Variants in ADARB2 observed in about 807,000 individuals in gnomAD.
ADARB2 encodes adenosine deaminase RNA specific B2 (inactive), also known as inactive double-stranded RNA-specific editase B2.
A neutral mutation model predicts 62.2 loss-of-function variants in ADARB2; 25 were observed. The observed-to-expected ratio is 0.40, with a 90% confidence interval of 0.29 to 0.56. The LOEUF (loss-of-function observed/expected upper bound fraction) is 0.56. Among genes scored for constraint, ADARB2 ranks in the 20% least tolerant of loss-of-function variants. ADARB2 has a pLI of 0.43. For missense variants in ADARB2, 1,071 were observed against 1,077.4 expected (o/e 0.99, Z 0.08); for synonymous variants, 572 against 500.8 (o/e 1.14, Z -1.90).
At chr10:1,404,493 C>T (rs377035739) in intron 1 of ADARB2, among the ~76,000 whole-genome samples, 1 of 152,348 alleles carries the variant, frequency 6.6e-6, no homozygotes, top group Admixed American at 6.5e-5. Context: ...CCAGCGTGGG[C>T]TCCACTCCTC....
intron 1 of ADARB2, among the ~76,000 whole-genome samples, chr10:1,406,805 C>T (rs1380726549): frequency 1.3e-5 from 2 of 152,196 alleles, no homozygotes; most frequent in African/African-American, 4.8e-5. Flanking sequence ...CAGTTGGGGC[C>T]CTGATTCCTG....
chr10:1,706,168 T>TA (rs1317602790), intron 1 of ADARB2, among the ~76,000 whole-genome samples: 1 of 152,354 alleles, frequency 6.6e-6, no homozygotes, highest in African/African-American at 2.4e-5. Flanking sequence ...TTCACTTTGC[T>TA]AAAACGCTAG....
At chr10:1,424,424 G>A (rs571903509) in intron 1 of ADARB2, among the ~76,000 whole-genome samples, 16 of 152,056 alleles carry the variant, frequency 1.1e-4, no homozygotes, top group Admixed American at 5.9e-4. Context: ...GAGATGGCAT[G>A]CTCTGAGGCC....
chr10:1,505,376 G>GTTT (rs1325240058), intron 1 of ADARB2, among the ~76,000 whole-genome samples: 6 of 144,384 alleles, frequency 4.2e-5, no homozygotes, highest in African/African-American at 1.0e-4. Context: ...GGATCGGAGG[G>GTTT]TTTTTGTTTT....
chr10:1,334,682 T>C (rs1022922220), intron 3 of ADARB2, among the ~76,000 whole-genome samples: 5 of 152,260 alleles, frequency 3.3e-5, no homozygotes, highest in Non-Finnish European at 7.3e-5. Flanking sequence ...CAAATAAAGT[T>C]TCTTCAAGAA....
chr10:1,457,169 A>G (rs1268677306), intron 1 of ADARB2, among the ~76,000 whole-genome samples: 1 of 152,236 alleles, frequency 6.6e-6, no homozygotes, highest in Non-Finnish European at 1.5e-5. Context: ...ACTCAAAACT[A>G]CAAAGGAAAT....
chr10:1,345,045 A>G (rs1324849952), intron 3 of ADARB2, among the ~76,000 whole-genome samples: 1 of 152,178 alleles, frequency 6.6e-6, no homozygotes, highest in African/African-American at 2.4e-5. Context: ...AAACCGCCGC[A>G]GCCTGGCAGG....
intron 3 of ADARB2, among the ~76,000 whole-genome samples, chr10:1,309,814 T>C (rs1788267548): frequency 6.6e-6 from 1 of 152,260 alleles, no homozygotes; most frequent in Admixed American, 6.5e-5. Flanking sequence ...ACCTCTCCAC[T>C]TCCCATTTGC....
At chr10:1,387,327 T>G (rs1281371139) in intron 1 of ADARB2, among the ~76,000 whole-genome samples, 1 of 151,806 alleles carries the variant, frequency 6.6e-6, no homozygotes, top group East Asian at 1.9e-4. Context: ...GCAAAAAAAT[T>G]GGCTCCTTGA....
intron 1 of ADARB2, among the ~76,000 whole-genome samples, chr10:1,712,709 C>T (rs1241290733): frequency 6.9e-6 from 1 of 144,076 alleles, no homozygotes; most frequent in Non-Finnish European, 1.5e-5. Context: ...CCCGGGTTCA[C>T]GCCATTCTCC....
intron 1 of ADARB2, among the ~76,000 whole-genome samples, chr10:1,694,470 A>G (rs1334592782): frequency 1.3e-5 from 2 of 152,186 alleles, no homozygotes; most frequent in Non-Finnish European, 2.9e-5. Flanking sequence ...TTGAACACAA[A>G]TCAGGGCTTT....
chr10:1,556,912 T>C (rs963671799), intron 1 of ADARB2: 8 of 473,096 alleles, frequency 1.7e-5, no homozygotes, highest in Non-Finnish European at 3.5e-5. Flanking sequence ...TCTATTCCTA[T>C]CACTATTTTT....
chr10:1,649,931 G>A lies in ADARB2; in HGVS notation c.100+87120C>T, dbSNP rs373458811. ...AAATCATGAGGGAGTGGCTTCCTGA[G>A]GAGCGATGATTACACAAACCCGGGA... is the stretch of plus-strand genomic sequence containing the variant. On this transcript the variant is annotated intron_variant, in intron 1 of 9. Coordinates refer to ENST00000381312, the MANE Select transcript of ADARB2 (RefSeq NM_018702.4). Among the ~76,000 whole-genome samples the A allele has an allele frequency of 4.6e-5, 7 of 152,222 alleles. No homozygotes were observed. The East Asian group carries it at 7.7e-4, about 17-fold the overall frequency.
At chr10:1,459,973 T>G (rs1437220696) in intron 1 of ADARB2, among the ~76,000 whole-genome samples, 1 of 141,560 alleles carries the variant, frequency 7.1e-6, no homozygotes, top group African/African-American at 2.8e-5. Flanking sequence ...TGAGTTTACC[T>G]GTGTAGCAAA....
chr10:1,598,019 G>A (rs1243653686), intron 1 of ADARB2, among the ~76,000 whole-genome samples: 1 of 152,204 alleles, frequency 6.6e-6, no homozygotes, highest in Non-Finnish European at 1.5e-5. Context: ...ATAACTCAGA[G>A]CATGTATCAA....
At chr10:1,707,183 G>A (rs1006114690) in intron 1 of ADARB2, among the ~76,000 whole-genome samples, 1 of 152,196 alleles carries the variant, frequency 6.6e-6, no homozygotes, top group Admixed American at 6.5e-5. Context: ...CCGGATTCCT[G>A]CACCGGCGCA....
chr10:1,288,596 G>GA (rs1229362923), intron 3 of ADARB2, among the ~76,000 whole-genome samples: 1 of 152,216 alleles, frequency 6.6e-6, no homozygotes, highest in Admixed American at 6.5e-5. Context: ...GAGACGCTGA[G>GA]GAGAGAGAAG....
intron 3 of ADARB2, among the ~76,000 whole-genome samples, chr10:1,330,763 A>G (rs192954084): frequency 1.3e-5 from 2 of 152,360 alleles, no homozygotes; most frequent in East Asian, 3.9e-4. Context: ...CTTCATCAGA[A>G]TAAAAAAGTT....
chr10:1,620,740 C>T (rs1276068444), intron 1 of ADARB2, among the ~76,000 whole-genome samples: 1 of 152,186 alleles, frequency 6.6e-6, no homozygotes, highest in Non-Finnish European at 1.5e-5. Context: ...CTGAATCAAG[C>T]ACCATATGAA....
Sources: gnomAD v4.1 joint callset for allele counts (sites outside exome capture counted in the v4.1 genomes callset) on GRCh38, gnomAD v4.1.1 for gene constraint, MANE v1.5 for transcripts, NCBI Gene and HGNC (gene_info 2026-07-23, HGNC 2026-07-21) for gene names.